Variants in ZFPM2 observed in about 807,000 individuals in gnomAD.
ZFPM2 encodes the protein zinc finger protein ZFPM2.
ZFPM2 carries 20 observed loss-of-function variants against 98.6 expected under a neutral mutation model. That is an observed-to-expected ratio of 0.20 (90% CI 0.14 to 0.29). The LOEUF is 0.29. ZFPM2 is among the 10% of genes least tolerant of loss of function. The probability of loss-of-function intolerance (pLI) is 1.00; values close to 1 mark genes in which losing one functional copy is unlikely to be tolerated. For synonymous variants in ZFPM2, 518 were observed against 502.7 expected, an observed-to-expected ratio of 1.03 and a Z score of -0.41; for missense variants, 1,310 against 1,388.6, an observed-to-expected ratio of 0.94 and a Z score of 0.90.
intron 5 of ZFPM2, among the ~76,000 whole-genome samples, chr8:105,732,747 C>T (rs1352400097): frequency 6.6e-6 from 1 of 151,720 alleles, no homozygotes; most frequent in Non-Finnish European, 1.5e-5. Context: ...GCTACTGGAG[C>T]AATGGGCGGT....
At chr8:105,483,297 A>G (rs1813161112) in intron 3 of ZFPM2, among the ~76,000 whole-genome samples, 1 of 152,054 alleles carries the variant, frequency 6.6e-6, no homozygotes, top group Non-Finnish European at 1.5e-5. Flanking sequence ...ATTAAAGTTT[A>G]TGTTCAGTTG....
At chr8:105,506,082 G>A (rs1218132432) in intron 3 of ZFPM2, among the ~76,000 whole-genome samples, 1 of 152,052 alleles carries the variant, frequency 6.6e-6, no homozygotes, top group East Asian at 1.9e-4. Context: ...CCTCCTCACA[G>A]TATTAATAAA....
At chr8:105,424,902 G>A (rs1811876151) in intron 2 of ZFPM2, among the ~76,000 whole-genome samples, 1 of 152,214 alleles carries the variant, frequency 6.6e-6, no homozygotes. Flanking sequence ...CGGTGAGATA[G>A]AGGATCATGA....
intron 4 of ZFPM2, among the ~76,000 whole-genome samples, chr8:105,626,845 C>T (rs866203305): frequency 3.3e-5 from 5 of 152,116 alleles, no homozygotes; most frequent in African/African-American, 1.2e-4. Flanking sequence ...CTATATCTCA[C>T]GGCATTGGCA....
At chr8:105,722,289 T>C (rs993266337) in intron 5 of ZFPM2, among the ~76,000 whole-genome samples, 1 of 151,856 alleles carries the variant, frequency 6.6e-6, no homozygotes, top group African/African-American at 2.4e-5. Flanking sequence ...TCAAGCTCCT[T>C]TGTTTGTTGG....
chr8:105,498,774 G>C (rs183303298), intron 3 of ZFPM2, among the ~76,000 whole-genome samples: 1 of 152,304 alleles, frequency 6.6e-6, no homozygotes, highest in Non-Finnish European at 1.5e-5. Flanking sequence ...AGGATGGGCA[G>C]TGAAGTTGGA....
chr8:105,641,625 AT>A, intron 5 of ZFPM2, among the ~76,000 whole-genome samples: 1 of 151,976 alleles, frequency 6.6e-6, no homozygotes, highest in East Asian at 1.9e-4. Flanking sequence ...TGTCATTTCC[AT>A]TTCTTACTAT....
chr8:105,606,514 A>T (rs553007276), intron 4 of ZFPM2, among the ~76,000 whole-genome samples: 57 of 151,978 alleles, frequency 3.8e-4, no homozygotes, highest in Non-Finnish European at 7.6e-4. Flanking sequence ...GGTCTGTGGG[A>T]GTGGAGATAT....
intron 5 of ZFPM2, among the ~76,000 whole-genome samples, chr8:105,709,945 C>T (rs560216871): frequency 6.6e-6 from 1 of 152,232 alleles, no homozygotes; most frequent in South Asian, 2.1e-4. Context: ...GCTAGCCTTT[C>T]AATCTGTTCC....
intron 4 of ZFPM2, among the ~76,000 whole-genome samples, chr8:105,597,452 C>T (rs1469073352): frequency 6.6e-6 from 1 of 151,660 alleles, no homozygotes; most frequent in Admixed American, 6.6e-5. Context: ...CTAAACCTCT[C>T]CCCTGTGTGA....
At chr8:105,758,141 C>T (rs1563551423) in intron 5 of ZFPM2, among the ~76,000 whole-genome samples, 1 of 152,088 alleles carries the variant, frequency 6.6e-6, no homozygotes, top group Non-Finnish European at 1.5e-5. Flanking sequence ...TTCTTGTTTT[C>T]AACAAACTTT....
chr8:105,642,682 C>T (rs961033498), intron 5 of ZFPM2, among the ~76,000 whole-genome samples: 5 of 152,078 alleles, frequency 3.3e-5, no homozygotes, highest in African/African-American at 1.2e-4. Flanking sequence ...CGATATGGCC[C>T]AGGTGTCATG....
At chr8:105,487,837 G>C (rs1188009010) in intron 3 of ZFPM2, among the ~76,000 whole-genome samples, 3 of 151,970 alleles carry the variant, frequency 2.0e-5, no homozygotes, top group Non-Finnish European at 4.4e-5. Context: ...TGTGCTAAAT[G>C]ACCTATACAC....
intron 1 of ZFPM2, among the ~76,000 whole-genome samples, chr8:105,340,907 A>G (rs1481805358): frequency 1.3e-5 from 2 of 151,986 alleles, no homozygotes; most frequent in Admixed American, 1.3e-4. Flanking sequence ...ACTGCCTGAC[A>G]ATGATCTGTT....
Position 105,804,074 on chromosome 8 carries a change from C to T in ZFPM2, c.*536C>T, listed in dbSNP as rs1208958118. On this transcript the variant is annotated 3_prime_UTR_variant, in exon 8 of 8. Transcript: ENST00000407775. Reference sequence around the variant, plus strand: ...GCTCTGTTTGCACTTTATATTTTAGCAGATACAGTCTCTTAGTCACTAGGC... The same window carrying T: ...GCTCTGTTTGCACTTTATATTTTAGTAGATACAGTCTCTTAGTCACTAGGC... The T allele has an allele frequency of 1.9e-5, 3 of 153,964 alleles. No homozygotes were observed. Among genetic ancestry groups the T allele is most frequent in the Admixed American group, 1.9e-4 (3 of 15,508 alleles). The allele number at this position is 153,964 out of a possible 1,614,324, so 9.5% of individuals were successfully genotyped here.
intron 3 of ZFPM2, among the ~76,000 whole-genome samples, chr8:105,469,240 C>T (rs1812851233): frequency 6.6e-6 from 1 of 152,170 alleles, no homozygotes; most frequent in Non-Finnish European, 1.5e-5. Flanking sequence ...TCAGTATGAT[C>T]TCCAATATTT....
At chr8:105,664,879 T>G (rs1313896628) in intron 5 of ZFPM2, among the ~76,000 whole-genome samples, 1 of 152,170 alleles carries the variant, frequency 6.6e-6, no homozygotes, top group East Asian at 1.9e-4. Flanking sequence ...ATGGCAGTTC[T>G]CAGTGGCTTG....
intron 1 of ZFPM2, among the ~76,000 whole-genome samples, chr8:105,412,795 A>G (rs1811603001): frequency 6.6e-6 from 1 of 151,772 alleles, no homozygotes; most frequent in Non-Finnish European, 1.5e-5. Context: ...TTCTCATTAA[A>G]TGGCTCTGTG....
chr8:105,644,560 T>C (rs1817006605), intron 5 of ZFPM2, among the ~76,000 whole-genome samples: 1 of 151,962 alleles, frequency 6.6e-6, no homozygotes, highest in Non-Finnish European at 1.5e-5. Flanking sequence ...CACCACCATT[T>C]CTCTCTTTCT....
Sources: allele counts gnomAD v4.1 joint callset (sites outside exome capture counted in the v4.1 genomes callset), GRCh38; gene constraint gnomAD v4.1.1; transcripts MANE v1.5; gene names NCBI Gene and HGNC (gene_info 2026-07-23, HGNC 2026-07-21).